Variants in RBFOX1 observed in about 807,000 individuals in gnomAD.
RBFOX1 encodes RNA binding fox-1 homolog 1.
A neutral mutation model predicts 57.7 loss-of-function variants in RBFOX1; 8 were observed. The ratio of observed to expected loss-of-function variants is 0.14; its 90% confidence interval spans 0.08 to 0.25. RBFOX1 has a LOEUF of 0.25. RBFOX1 is among the 10% of genes least tolerant of loss of function. The pLI is 1.00. For missense variants in RBFOX1, 611 were observed against 548.5 expected, an observed-to-expected ratio of 1.11 and a Z score of -1.14; for synonymous variants, 326 against 222.4, an observed-to-expected ratio of 1.47 and a Z score of -4.15.
chr16:6,113,548 C>T (rs2152586104), intron 1 of RBFOX1, among the ~76,000 whole-genome samples: 2 of 152,296 alleles, frequency 1.3e-5, no homozygotes, highest in South Asian at 4.1e-4. Flanking sequence ...ATCACAGAGA[C>T]ACAGCTCTTG....
In RBFOX1 at chr16:6,463,699, A is replaced by G. The variant is rs1352109891; in HGVS notation, c.-64+146642A>G. Among the ~76,000 whole-genome samples the G allele has an allele frequency of 2.6e-5, 4 of 152,334 alleles. No individual in the cohort carries two copies. In the South Asian group the frequency reaches 8.3e-4, roughly 32 times the overall value. ...CATGTCATTTAGCTCTCTTACAGCC[A>G]TGTTTAGCTTGGCTCCGCCATTATA... On this transcript the variant is annotated intron_variant, in intron 2 of 15. Coordinates refer to ENST00000550418, the MANE Select transcript of RBFOX1 (RefSeq NM_018723.4).
At chr16:6,903,167 T>C (rs1445980991) in intron 3 of RBFOX1, among the ~76,000 whole-genome samples, 1 of 152,064 alleles carries the variant, frequency 6.6e-6, no homozygotes, top group African/African-American at 2.4e-5. Context: ...GGAGGAGCCT[T>C]TCAGATGGCA....
In RBFOX1 at chr16:7,113,730, A is replaced by G. The variant is rs74460898; in HGVS notation, c.27+61632A>G. On this transcript the variant is annotated intron_variant, in intron 4 of 15. Transcript: ENST00000550418. ...TATTTTGTTCTTTGCAAGGCTGCAT[A>G]ATGTCCTATGTTATAGATGTGTTCT... Among the ~76,000 whole-genome samples, 934 of 152,268 alleles carry G rather than the reference A, an allele frequency of 6.1e-3. 29 individuals are homozygous for G. Among genetic ancestry groups the G allele is most frequent in the Admixed American group, 0.045 (682 of 15,290 alleles).
At chr16:6,498,609 G>T (rs1828208713) in intron 2 of RBFOX1, among the ~76,000 whole-genome samples, 1 of 152,116 alleles carries the variant, frequency 6.6e-6, no homozygotes, top group African/African-American at 2.4e-5. Context: ...GAACAGGTGA[G>T]CAATATACAA....
intron 3 of RBFOX1, among the ~76,000 whole-genome samples, chr16:5,859,873 C>A (rs555287660): frequency 6.6e-6 from 1 of 152,284 alleles, no homozygotes; most frequent in South Asian, 2.1e-4. Context: ...TAGGCAGCGC[C>A]TGCTGGGCAT....
In RBFOX1 at chr16:7,599,638, C is replaced by CTTTTTTTTTTTT. The variant is rs542898195; in HGVS notation, c.622+2208_622+2219dup. On this transcript the variant is annotated intron_variant, in intron 9 of 15. Coordinates refer to ENST00000550418, the MANE Select transcript of RBFOX1 (RefSeq NM_018723.4). ...GAGAAGATGAAGAAATTAATAAAGA[C>CTTTTTTTTTTTT]TTTTTTTTTTTTCTTTTTTTTTTTT... 4.5e-4 allele frequency among the ~76,000 whole-genome samples: 28 copies of CTTTTTTTTTTTT among 62,806 alleles called. 9 individuals are homozygous for CTTTTTTTTTTTT. The highest frequency in any genetic ancestry group is 9.4e-4 in the South Asian group (2 of 2,124). The allele number at this position is 62,806 out of a possible 152,430, so 41.2% of individuals were successfully genotyped here.
At chr16:5,284,376 G>T (rs2063341005) in intron 1 of RBFOX1, among the ~76,000 whole-genome samples, 1 of 151,874 alleles carries the variant, frequency 6.6e-6, no homozygotes. Flanking sequence ...TTTCTCCTTT[G>T]TGTGTCTGCT....
At chr16:5,490,677 G>A (rs1195095688) in intron 2 of RBFOX1, among the ~76,000 whole-genome samples, 1 of 152,156 alleles carries the variant, frequency 6.6e-6, no homozygotes, top group African/African-American at 2.4e-5. Context: ...CAGACCGCCC[G>A]GAAACTTCAA....
chr16:6,649,894 C>CT (rs1357336613), intron 2 of RBFOX1, among the ~76,000 whole-genome samples: 1 of 152,102 alleles, frequency 6.6e-6, no homozygotes, highest in Non-Finnish European at 1.5e-5. Flanking sequence ...ACCACACTTT[C>CT]TTTTATCTAC....
intron 3 of RBFOX1, among the ~76,000 whole-genome samples, chr16:6,829,648 C>G (rs143992761): frequency 6.6e-6 from 1 of 152,062 alleles, no homozygotes; most frequent in African/African-American, 2.4e-5. Context: ...GTCACCCATA[C>G]GGCAGTGCAG....
chr16:5,251,166 C>A (rs763591345), intron 1 of RBFOX1, among the ~76,000 whole-genome samples: 1 of 152,226 alleles, frequency 6.6e-6, no homozygotes, highest in African/African-American at 2.4e-5. Flanking sequence ...GGCTTCCGAG[C>A]TCTGGCAGAC....
At chr16:7,296,565 C>G (rs1270252452) in intron 4 of RBFOX1, among the ~76,000 whole-genome samples, 1 of 152,136 alleles carries the variant, frequency 6.6e-6, no homozygotes, top group Non-Finnish European at 1.5e-5. Context: ...CTCACATGCT[C>G]ATGTTCACGA....
intron 3 of RBFOX1, among the ~76,000 whole-genome samples, chr16:6,868,298 T>C (rs1400491230): frequency 6.6e-6 from 1 of 152,120 alleles, no homozygotes; most frequent in Non-Finnish European, 1.5e-5. Flanking sequence ...CAGAAAGTGG[T>C]TTGCTGAAGT....
intron 3 of RBFOX1, among the ~76,000 whole-genome samples, chr16:5,736,012 C>T (rs930525996): frequency 2.0e-5 from 3 of 152,108 alleles, no homozygotes; most frequent in African/African-American, 7.2e-5. Context: ...GGGTCCTCTT[C>T]CTGTGTTCAG....
At chr16:6,739,650 G>T (rs984839026) in intron 3 of RBFOX1, among the ~76,000 whole-genome samples, 6 of 152,166 alleles carry the variant, frequency 3.9e-5, no homozygotes, top group Admixed American at 6.5e-5. Flanking sequence ...GCCGAGGTGG[G>T]TGGATCACAT....
At chr16:6,276,709 C>A (rs767594978) in intron 1 of RBFOX1, among the ~76,000 whole-genome samples, 28 of 151,580 alleles carry the variant, frequency 1.8e-4, no homozygotes, top group Non-Finnish European at 2.9e-5. Context: ...AGATACTGGT[C>A]GCATTAAGTT....
At chr16:6,073,699 A>C (rs1202172440) in intron 1 of RBFOX1, among the ~76,000 whole-genome samples, 2 of 152,168 alleles carry the variant, frequency 1.3e-5, no homozygotes, top group East Asian at 3.8e-4. Flanking sequence ...TAAGTGTATA[A>C]ATTTTAATAG....
intron 3 of RBFOX1, among the ~76,000 whole-genome samples, chr16:5,691,526 T>C (rs559284959): frequency 6.6e-6 from 1 of 152,344 alleles, no homozygotes; most frequent in African/African-American, 2.4e-5. Context: ...TGAGTATCCC[T>C]TACCCAAAAT....
chr16:7,281,050 T>C (rs868470211), intron 4 of RBFOX1, among the ~76,000 whole-genome samples: 2 of 140,664 alleles, frequency 1.4e-5, no homozygotes, highest in Middle Eastern at 7.6e-3. Flanking sequence ...TCACCCAGGC[T>C]GAAGTGCAGT....
Sources: gnomAD v4.1 joint callset for allele counts (sites outside exome capture counted in the v4.1 genomes callset) on GRCh38, gnomAD v4.1.1 for gene constraint, MANE v1.5 for transcripts, NCBI Gene and HGNC (gene_info 2026-07-23, HGNC 2026-07-21) for gene names.